Variants in ATP1A3 observed in about 807,000 individuals in gnomAD.
ATP1A3 encodes ATPase Na+/K+ transporting subunit alpha 3.
ATP1A3 carries 12 observed loss-of-function variants against 108.8 expected under a neutral mutation model. The observed-to-expected ratio is 0.11, with a 90% CI of 0.07 to 0.18. The LOEUF is 0.18. Among genes scored for constraint, ATP1A3 ranks in the 10% least tolerant of loss-of-function variants. The pLI, the probability that ATP1A3 is intolerant of heterozygous loss-of-function variation, is 1.00. For missense variants in ATP1A3, 498 were observed against 1,387.7 expected (o/e 0.36, Z 10.19); for synonymous variants, 539 against 564.5 (o/e 0.95, Z 0.64).
rs201741163 is a variant in ATP1A3, at chr19:41,976,603, G to T, written c.1944-37C>A. The T allele has an allele frequency of 1.1e-5, 17 of 1,612,700 alleles. No homozygotes were observed. The East Asian group carries it at 3.6e-4, about 34-fold the overall frequency. On this transcript the variant is annotated intron_variant, in intron 14 of 22. Coordinates refer to ENST00000648268, the MANE Select transcript of ATP1A3 (RefSeq NM_152296.5). ...AGAGAGAGCGATGGCTGAGGTCAGG[G>T]TGTGTGAGGAGTGGCAAAGTGATCC...
chr19:41,972,829 G>A (rs1322369603), intron 16 of ATP1A3, among the ~76,000 whole-genome samples: 3 of 138,210 alleles, frequency 2.2e-5, no homozygotes, highest in African/African-American at 8.5e-5. Flanking sequence ...AAGGAAGGAA[G>A]GAAGGAAGGA....
chr19:41,975,908 C>T, intron 15 of ATP1A3, 111 bp from the exon 16 acceptor site: 2 of 1,446,126 alleles, frequency 1.4e-6, no homozygotes, highest in South Asian at 2.3e-5. Context: ...CCTAGAAGTT[C>T]AGGTCCCCAA....
chr19:41,972,007 T>C (rs1372718982), intron 16 of ATP1A3, among the ~76,000 whole-genome samples: 1 of 152,140 alleles, frequency 6.6e-6, no homozygotes, highest in African/African-American at 2.4e-5. Context: ...CCCAACACTT[T>C]GGGAGACCGA....
intron 8 of ATP1A3, 159 bp downstream of exon 8, chr19:41,984,759 G>A: frequency 2.3e-6 from 2 of 871,808 alleles, no homozygotes; most frequent in Non-Finnish European, 3.4e-6. Context: ...GGACCCAGGG[G>A]TCCAGATCCC....
chr19:41,982,687 A>G (rs2075246816), intron 8 of ATP1A3, among the ~76,000 whole-genome samples: 1 of 152,224 alleles, frequency 6.6e-6, no homozygotes, highest in African/African-American at 2.4e-5. Context: ...AGCAGAAAAG[A>G]TAAATTGTGG....
chr19:41,993,365 C>T (rs1555868025), intron 1 of ATP1A3: 5 of 1,529,934 alleles, frequency 3.3e-6, no homozygotes, highest in South Asian at 1.2e-5. Flanking sequence ...CACACGCACA[C>T]CCTCAGCTGT....
At position 41,987,967 on chromosome 19, in the gene ATP1A3, G is replaced by A. The variant is rs1568866568; in HGVS notation, c.326C>T (p.Ala109Val). 1.2e-6 allele frequency: 2 copies of A among 1,614,024 alleles called. No homozygotes were observed. Among genetic ancestry groups the A allele is most frequent in the Non-Finnish European group, 1.7e-6 (2 of 1,180,032 alleles). Reference protein sequence around the residue: ...ILCFLAYGIQAGTEDDPSGDN... With the variant: ...ILCFLAYGIQVGTEDDPSGDN... ...ACCAGAGGGGTCGTCCTCGGTGCCC[G>A]CCTGGATACCGTAGGCCAGGAAGCA... is the stretch of plus-strand genomic sequence containing the variant. The change falls in exon 4 of 23, where the codon GCG becomes GTG. Residue 109 changes from alanine (A) to valine (V), a missense_variant. Ala to Val is a moderately conservative substitution (Grantham distance 64). This residue lies in a region of ATP1A3 where 127 missense variants were observed against 464.0 expected (regional missense o/e 0.27). Transcript: ENST00000648268.
In ATP1A3 at chr19:41,981,180, G is replaced by A. The variant is rs74488471; in HGVS notation, c.1437+322C>T. On this transcript the variant is annotated intron_variant, in intron 11 of 22. Coordinates refer to ENST00000648268, the MANE Select transcript of ATP1A3 (RefSeq NM_152296.5). This position sits in a 1 kb window ranked among gnomAD's most constrained non-coding sequence, Gnocchi z 5.0. ...CCTGGCTAATTAAAAAAAAAATTTC[G>A]TACAGATGGGGTTTTGCCATCTTGC... Among the ~76,000 whole-genome samples, 2,884 of 151,444 alleles carry A rather than the reference G, an allele frequency of 0.019. 48 individuals carry two copies. The highest frequency in any genetic ancestry group is 0.032 in the Non-Finnish European group (2,195 of 67,870).
In ATP1A3 at chr19:41,976,446, C is replaced by T. The variant is rs2075171752; in HGVS notation, c.2064G>A (p.Lys688=). The T allele has an allele frequency of 6.2e-7, 1 of 1,614,056 alleles. No individual in the cohort carries two copies. Among genetic ancestry groups the T allele is most frequent in the Non-Finnish European group, 8.5e-7 (1 of 1,180,048 alleles). Reference sequence around the variant, plus strand: ...TCTGACAGCCCTCCACAATGATGAGCTTCTGCTGGGGGGATGTGCGGGCGA... The same window carrying T: ...TCTGACAGCCCTCCACAATGATGAGTTTCTGCTGGGGGGATGTGCGGGCGA... ...IVFARTSPQQ[K]LIIVEGCQRQ... The change falls in exon 15 of 23, where the codon AAG becomes AAA. Residue 688 remains lysine, a synonymous_variant. Coordinates refer to ENST00000648268, the MANE Select transcript of ATP1A3 (RefSeq NM_152296.5).
At position 41,985,633 on chromosome 19, in the gene ATP1A3, A is replaced by G. The variant is rs2075279791; in HGVS notation, c.607-210T>C. On this transcript the variant is annotated intron_variant, in intron 6 of 22. Coordinates refer to ENST00000648268, the MANE Select transcript of ATP1A3 (RefSeq NM_152296.5). The surrounding 1 kb of genome is among the most constrained non-coding windows in gnomAD (Gnocchi z 8.2). ...CTGCTGGCCAAGGTCTAGGGTCCCT[A>G]AGGATCTCCGAAAGGTGAGGGCTGG... Among the ~76,000 whole-genome samples the G allele has an allele frequency of 6.6e-6, 1 of 152,064 alleles. No individual in the cohort carries two copies. The highest frequency in any genetic ancestry group is 1.9e-4 in the East Asian group (1 of 5,184).
intron 16 of ATP1A3, among the ~76,000 whole-genome samples, chr19:41,972,412 A>C (rs976544902): frequency 6.6e-5 from 10 of 151,824 alleles, no homozygotes; most frequent in Non-Finnish European, 4.4e-5. Flanking sequence ...ACAGAGTGAG[A>C]CCTTGTCTCT....
At chr19:41,993,577 A>G in intron 1 of ATP1A3, 1 of 1,188,578 alleles carries the variant, frequency 8.4e-7, no homozygotes, top group African/African-American at 1.5e-5. Flanking sequence ...CCAGGCCTGG[A>G]AGGAGAAAGA....
In ATP1A3 at chr19:41,985,409, G is replaced by A; in HGVS notation, c.621C>T (p.Ser207=). 4 of 1,614,200 alleles carry A rather than the reference G, an allele frequency of 2.5e-6. No individual in the cohort carries two copies. Among genetic ancestry groups the A allele is most frequent in the Non-Finnish European group, 3.4e-6 (4 of 1,180,018 alleles). Residue 207 remains serine (S), a synonymous_variant, in exon 7 of 23, where the codon TCC becomes TCT. Transcript: ENST00000648268. This position sits in a 1 kb window ranked among gnomAD's most constrained non-coding sequence, Gnocchi z 8.2. Reference sequence around the variant, plus strand: ...TCTGGGGCTCGGATTCGCCAGTCAGGGAGGAGTTGTCCACCTGGGGGTAGG... The same window carrying A: ...TCTGGGGCTCGGATTCGCCAGTCAGAGAGGAGTTGTCCACCTGGGGGTAGG... ...SAHGCKVDNS[S]LTGESEPQTR...
chr19:41,990,331 C>T (rs999347990), intron 1 of ATP1A3, among the ~76,000 whole-genome samples: 7 of 151,322 alleles, frequency 4.6e-5, no homozygotes, highest in African/African-American at 1.2e-4. Flanking sequence ...CTAAGATCTC[C>T]TCTCTTTCTC....
At chr19:41,969,017 T>A in intron 19 of ATP1A3, 102 bp from the exon 20 acceptor site, 3 of 1,568,634 alleles carry the variant, frequency 1.9e-6, no homozygotes, top group Non-Finnish European at 2.6e-6. Flanking sequence ...CCATCCTGCA[T>A]GGGGTCCTCA....
intron 4 of ATP1A3, among the ~76,000 whole-genome samples, chr19:41,987,198 T>C (rs1343649344): frequency 6.8e-6 from 1 of 147,738 alleles, no homozygotes; most frequent in Non-Finnish European, 1.5e-5. Context: ...TCTGTCTCTG[T>C]GTCTCCAGCT....
intron 16 of ATP1A3, among the ~76,000 whole-genome samples, chr19:41,973,542 C>A (rs1266573700): frequency 6.6e-6 from 1 of 152,220 alleles, no homozygotes; most frequent in Non-Finnish European, 1.5e-5. Flanking sequence ...AGGCGTGAGC[C>A]CCCGTGCCTG....
intron 1 of ATP1A3, chr19:41,993,731 G>A: frequency 1.7e-6 from 1 of 600,220 alleles, no homozygotes; most frequent in African/African-American, 1.9e-5. Flanking sequence ...ACACCACGGG[G>A]CCCACACACT....
At chr19:41,993,383 G>C in intron 1 of ATP1A3, 1 of 1,535,362 alleles carries the variant, frequency 6.5e-7, no homozygotes, top group South Asian at 1.2e-5. Flanking sequence ...TGTGCACTCA[G>C]TCTCCCCACC....
Sources: gnomAD v4.1 joint callset for allele counts (sites outside exome capture counted in the v4.1 genomes callset) on GRCh38, gnomAD v4.1.1 for gene constraint, gnomAD v4.1.1 regional missense constraint, Gnocchi (gnomAD v3.1) non-coding constraint, MANE v1.5 for transcripts, NCBI Gene and HGNC (gene_info 2026-07-23, HGNC 2026-07-21) for gene names.